Variants in DIAPH2 observed in about 807,000 individuals in gnomAD.
The protein encoded by DIAPH2 is protein diaphanous homolog 2.
A neutral mutation model predicts 92.7 loss-of-function variants in DIAPH2; 35 were observed. The observed-to-expected ratio is 0.38, with a 90% CI of 0.29 to 0.50. DIAPH2 has a LOEUF of 0.50. Among genes scored for constraint, DIAPH2 ranks in the 20% least tolerant of loss-of-function variants. The pLI is 0.94. For missense variants in DIAPH2, 701 were observed against 819.5 expected (o/e 0.86, Z 1.77); for synonymous variants, 301 against 280.4 (o/e 1.07, Z -0.73).
chrX:96,998,715 C>T (rs2066121668), intron 17 of DIAPH2, among the ~76,000 whole-genome samples: 1 of 111,173 alleles, frequency 9.0e-6, no homozygotes, highest in African/African-American at 3.3e-5. Context: ...TAGCAAATAG[C>T]GCTGGGTTAG....
intron 1 of DIAPH2, among the ~76,000 whole-genome samples, chrX:96,719,791 C>T (rs759081246): frequency 1.5e-3 from 162 of 111,567 alleles, no homozygotes; most frequent in Admixed American, 2.5e-3. Flanking sequence ...TTCTGTATAA[C>T]AGTTACCATT....
Position 97,327,379 on chromosome X carries a change from A to G in DIAPH2, c.2845-20737A>G, listed in dbSNP as rs1304333118. ...CTCCCAAAGTGCTAGGATTACAGGC[A>G]TGAGCTACCGCGCCCGGCCTAGGAA... On this transcript the variant is annotated intron_variant, in intron 23 of 26. Transcript: ENST00000324765. Among the ~76,000 whole-genome samples the G allele has an allele frequency of 4.6e-5, 5 of 109,368 alleles. No individual in the cohort carries two copies. The Admixed American group carries it at 4.9e-4, about 11-fold the overall frequency. The allele number at this position is 109,368 out of a possible 115,157, so 95.0% of individuals were successfully genotyped here. A position where few individuals can be genotyped will look rare whatever the true frequency, so the allele number is the denominator to read the frequency against.
intron 17 of DIAPH2, among the ~76,000 whole-genome samples, chrX:97,008,412 T>A (rs1268981921): frequency 2.7e-5 from 3 of 111,507 alleles, no homozygotes; most frequent in African/African-American, 9.8e-5. Context: ...TCTCCAGGTT[T>A]GGTCCCCGAT....
intron 24 of DIAPH2, among the ~76,000 whole-genome samples, chrX:97,373,405 A>G (rs1208978420): frequency 9.1e-6 from 1 of 109,846 alleles, no homozygotes; most frequent in Admixed American, 9.9e-5. Context: ...AACTATTATT[A>G]TGTAAATCAA....
At chrX:97,443,051 C>CA (rs765830066) in intron 26 of DIAPH2, among the ~76,000 whole-genome samples, 26 of 110,128 alleles carry the variant, frequency 2.4e-4, no homozygotes, top group Non-Finnish European at 4.0e-4. Flanking sequence ...TATAGGCTCA[C>CA]AGCACTGTGC....
At chrX:97,036,966 C>A (rs956479299) in intron 17 of DIAPH2, among the ~76,000 whole-genome samples, 17 of 111,082 alleles carry the variant, frequency 1.5e-4, no homozygotes, top group African/African-American at 5.6e-4. Flanking sequence ...TTAATGCTAG[C>A]AGATTCCTTG....
At chrX:96,921,731 TCTC>T (rs2065545982) in intron 9 of DIAPH2, among the ~76,000 whole-genome samples, 1 of 107,830 alleles carries the variant, frequency 9.3e-6, no homozygotes, top group African/African-American at 3.4e-5. Context: ...CTAATGTATT[TCTC>T]CTCCTCTTAC....
chrX:97,376,755 A>G (rs1231408754), intron 24 of DIAPH2, among the ~76,000 whole-genome samples: 1 of 111,950 alleles, frequency 8.9e-6, no homozygotes, highest in African/African-American at 3.2e-5. Context: ...TCATTGTTGT[A>G]TGAACATGAC....
At chrX:97,339,408 G>A (rs2069093644) in intron 23 of DIAPH2, among the ~76,000 whole-genome samples, 1 of 110,844 alleles carries the variant, frequency 9.0e-6, no homozygotes, top group African/African-American at 3.3e-5. Context: ...CCGGCTACAT[G>A]GGAGGCTGAG....
intron 23 of DIAPH2, among the ~76,000 whole-genome samples, chrX:97,324,057 AGTGAAGCAGCTACCCTTTG>A (rs981118697): frequency 7.2e-5 from 8 of 111,496 alleles, no homozygotes; most frequent in African/African-American, 2.3e-4. Flanking sequence ...ACCAACTTTA[AGTGAAGCAGCTACCCTTTG>A]GTGCCTACAG....
intron 17 of DIAPH2, among the ~76,000 whole-genome samples, chrX:97,000,983 ATTTC>A (rs1056949944): frequency 2.7e-5 from 3 of 112,085 alleles, no homozygotes; most frequent in African/African-American, 9.8e-5. Flanking sequence ...AGTCTCCTTT[ATTTC>A]TTCTAATTAT....
intron 26 of DIAPH2, among the ~76,000 whole-genome samples, chrX:97,510,269 G>T (rs1164175474): frequency 9.0e-6 from 1 of 111,213 alleles, no homozygotes. Flanking sequence ...GTGATGATGA[G>T]CATTTTTTCA....
chrX:96,994,279 A>G (rs1435220972), intron 17 of DIAPH2, among the ~76,000 whole-genome samples: 1 of 111,934 alleles, frequency 8.9e-6, no homozygotes, highest in Non-Finnish European at 1.9e-5. Flanking sequence ...AAACTTGGGG[A>G]AGTGAGAGAC....
intron 1 of DIAPH2, among the ~76,000 whole-genome samples, chrX:96,713,238 C>T (rs192791792): frequency 1.8e-5 from 2 of 111,683 alleles, no homozygotes; most frequent in East Asian, 2.8e-4. Context: ...AATGTCTTCC[C>T]GAGGTTTTGC....
intron 23 of DIAPH2, among the ~76,000 whole-genome samples, chrX:97,317,582 A>T (rs909599924): frequency 1.8e-5 from 2 of 112,273 alleles, no homozygotes; most frequent in African/African-American, 3.2e-5. Flanking sequence ...AACCATGTTG[A>T]AATTGGTCTT....
chrX:97,473,285 C>A (rs1271588428), intron 26 of DIAPH2, among the ~76,000 whole-genome samples: 3 of 111,690 alleles, frequency 2.7e-5, no homozygotes, highest in African/African-American at 9.8e-5. Flanking sequence ...GGCCTATAAG[C>A]CAAATCCAGT....
At chrX:97,334,993 C>CAAAAAAAAAAAAAA (rs1314227612) in intron 23 of DIAPH2, among the ~76,000 whole-genome samples, 2 of 6,627 alleles carry the variant, frequency 3.0e-4, no homozygotes, top group African/African-American at 5.2e-4. Context: ...AAAACAAAAA[C>CAAAAAAAAAAAAAA]AAAACAAAAA....
intron 23 of DIAPH2, among the ~76,000 whole-genome samples, chrX:97,260,937 G>A (rs142920793): frequency 0.029 from 3,268 of 111,880 alleles, 47 homozygotes; most frequent in Non-Finnish European, 0.047. Flanking sequence ...CAGCTTAATC[G>A]AGAGCTATAA....
chrX:96,963,785 A>G (rs919597695), intron 16 of DIAPH2, among the ~76,000 whole-genome samples: 1 of 110,734 alleles, frequency 9.0e-6, no homozygotes, highest in African/African-American at 3.3e-5. Flanking sequence ...TTTATGGAGG[A>G]TATGAGTGCC....
Sources: gnomAD v4.1 joint callset for allele counts (sites outside exome capture counted in the v4.1 genomes callset) on GRCh38, gnomAD v4.1.1 for gene constraint, MANE v1.5 for transcripts, NCBI Gene and HGNC (gene_info 2026-07-23, HGNC 2026-07-21) for gene names.